LAMA3: variants seen among roughly 807,000 people sequenced by gnomAD.
The protein encoded by LAMA3 is laminin subunit alpha 3, also known as laminin subunit alpha-3.
LAMA3 carries 281 observed loss-of-function variants against 402.0 expected under a neutral mutation model. The observed-to-expected ratio is 0.70, with a 90% confidence interval of 0.63 to 0.77. The LOEUF (loss-of-function observed/expected upper bound fraction) is 0.77, where lower values mean the gene tolerates loss of function less well. Ranked by LOEUF, LAMA3 falls within the 30% of genes least tolerant of loss-of-function variation. The probability of loss-of-function intolerance (pLI) is 0.00; values close to 1 mark genes in which losing one functional copy is unlikely to be tolerated. For synonymous variants in LAMA3, 1,431 were observed against 1,558.4 expected (o/e 0.92, Z 1.93); for missense variants, 3,840 against 4,215.5 (o/e 0.91, Z 2.47).
At chr18:23,766,113 C>T (rs2062070651) in intron 8 of LAMA3, among the ~76,000 whole-genome samples, 1 of 152,034 alleles carries the variant, frequency 6.6e-6, no homozygotes. Flanking sequence ...GCTTAATGAA[C>T]CCTAACCTGG....
At chr18:23,757,973 A>T (rs1162639479) in intron 6 of LAMA3, among the ~76,000 whole-genome samples, 1 of 152,218 alleles carries the variant, frequency 6.6e-6, no homozygotes, top group Non-Finnish European at 1.5e-5. Flanking sequence ...AAGAAACTTG[A>T]GCAGATCTTA....
At chr18:23,742,483 G>C (rs966361374) in intron 2 of LAMA3, among the ~76,000 whole-genome samples, 21 of 152,122 alleles carry the variant, frequency 1.4e-4, no homozygotes, top group Admixed American at 5.2e-4. Context: ...AAATTTCTTA[G>C]ACATGAAAAT....
At chr18:23,872,601 C>G (rs2064560865) in intron 38 of LAMA3, among the ~76,000 whole-genome samples, 1 of 152,140 alleles carries the variant, frequency 6.6e-6, no homozygotes, top group Non-Finnish European at 1.5e-5. Flanking sequence ...CAAATCTGAC[C>G]TGCTGTGGTC....
intron 5 of LAMA3, among the ~76,000 whole-genome samples, chr18:23,751,764 C>T (rs1008465388): frequency 1.3e-5 from 2 of 152,202 alleles, no homozygotes; most frequent in African/African-American, 2.4e-5. Flanking sequence ...CTCTCACTCT[C>T]AGGTGTCAGG....
rs1302366400 is a variant in LAMA3, at chr18:23,861,765, C to G, written c.4542C>G (p.His1514Gln). The change falls in exon 35 of 75, where the codon CAC becomes CAG. Residue 1514 changes from histidine to glutamine, a missense_variant. His to Gln is a conservative substitution (Grantham distance 24). Transcript: ENST00000313654. ...TCCAGGAGCTGCCCGCAACCATCCA[C>G]AGCGCGTCCTGGGTCGCACCCACCT... ...ADLQELPATI[H>Q]SASWVAPTSY... The G allele has an allele frequency of 6.2e-7, 1 of 1,613,892 alleles. No individual in the cohort carries two copies. The highest frequency in any genetic ancestry group is 8.5e-7 in the Non-Finnish European group (1 of 1,179,898).
intron 13 of LAMA3, among the ~76,000 whole-genome samples, chr18:23,812,161 C>T (rs2063086563): frequency 6.6e-6 from 1 of 152,180 alleles, no homozygotes; most frequent in Non-Finnish European, 1.5e-5. Flanking sequence ...GCGTGAGCCA[C>T]CACTCCCAGC....
In LAMA3 at chr18:23,881,815, C is replaced by A. The variant is rs1028373706; in HGVS notation, c.5113-121C>A. ...TAGGGAAAATACATGGTTAGAGGAG[C>A]TGATATCACTGCAAAGTCAGAGGAC... is the stretch of plus-strand genomic sequence containing the variant. On this transcript the variant is annotated intron_variant, in intron 39 of 74. Transcript: ENST00000313654. 8.5e-5 allele frequency: 60 copies of A among 709,270 alleles called. 1 individual carries two copies. The highest frequency in any genetic ancestry group is 8.2e-4 in the South Asian group (55 of 66,976). The allele number at this position is 709,270 out of a possible 1,614,324, so 43.9% of individuals were successfully genotyped here.
rs746362681 is a variant in LAMA3 at position 23,714,061 on chromosome 18, G to A, written c.436G>A (p.Asp146Asn). Reference sequence around the variant, plus strand: ...GTACAACAGAGTCAACCTCACCTTGGATCTGGGGCAGGTGAGCTACACTTT... The same window carrying A: ...GTACAACAGAGTCAACCTCACCTTGAATCTGGGGCAGGTGAGCTACACTTT... ...TQYNRVNLTL[D>N]LGQLFHVAYI... Residue 146 changes from aspartate to asparagine, a missense_variant, in exon 2 of 75, where the codon GAT (aspartate) becomes AAT (asparagine). By Grantham distance (23) the Asp-to-Asn change is conservative (BLOSUM62 1). Coordinates refer to ENST00000313654, the MANE Select transcript of LAMA3 (RefSeq NM_198129.4). 6.2e-7 allele frequency: 1 copy of A among 1,613,884 alleles called. No homozygotes were observed. The highest frequency in any genetic ancestry group is 8.5e-7 in the Non-Finnish European group (1 of 1,179,936).
intron 1 of LAMA3, among the ~76,000 whole-genome samples, chr18:23,703,750 T>A (rs2060833865): frequency 6.6e-6 from 1 of 152,114 alleles, no homozygotes; most frequent in African/African-American, 2.4e-5. Flanking sequence ...ACCAGGCACA[T>A]TAGAGATGTC....
intron 51 of LAMA3, 142 bp downstream of exon 51, chr18:23,904,836 A>G: frequency 2.4e-6 from 2 of 844,060 alleles, no homozygotes; most frequent in Non-Finnish European, 3.7e-6. Flanking sequence ...CTTGCCCTAG[A>G]TATGGGTAAT....
intron 8 of LAMA3, among the ~76,000 whole-genome samples, chr18:23,771,727 A>G (rs1393756049): frequency 3.3e-5 from 5 of 152,228 alleles, no homozygotes; most frequent in African/African-American, 1.2e-4. Context: ...GGATGGATGG[A>G]TAATTATGTG....
At chr18:23,793,980 G>A (rs919262288) in intron 12 of LAMA3, among the ~76,000 whole-genome samples, 8 of 152,166 alleles carry the variant, frequency 5.3e-5, no homozygotes, top group African/African-American at 1.7e-4. Context: ...TACATTTACT[G>A]GTTTATTATA....
intron 39 of LAMA3, 40 bp from the exon 40 acceptor site, chr18:23,881,896 G>T: frequency 7.8e-7 from 1 of 1,278,224 alleles, no homozygotes; most frequent in Non-Finnish European, 1.1e-6. Context: ...AGTAGGGACT[G>T]TACTGGCTGC....
chr18:23,843,332 A>G (rs80079806), intron 29 of LAMA3, among the ~76,000 whole-genome samples: 2,534 of 152,230 alleles, frequency 0.017, 72 homozygotes, highest in African/African-American at 0.059. Context: ...TCCCTTGCTT[A>G]GTCTGCACCC....
intron 2 of LAMA3, among the ~76,000 whole-genome samples, chr18:23,742,383 G>A (rs1344586832): frequency 1.3e-4 from 20 of 152,282 alleles, no homozygotes; most frequent in Admixed American, 9.2e-4. Context: ...TAAATCCCGA[G>A]ATGGGAAAAT....
At chr18:23,847,809 G>A in intron 32 of LAMA3, 141 bp downstream of exon 32, 1 of 829,222 alleles carries the variant, frequency 1.2e-6, no homozygotes, top group Non-Finnish European at 1.9e-6. Context: ...TCCCAGACAG[G>A]ATGGGTTGCA....
Position 23,933,935 on chromosome 18 carries a change from G to A in LAMA3, c.8862G>A (p.Gln2954=), listed in dbSNP as rs781570323. 5 of 1,614,004 alleles carry A rather than the reference G, an allele frequency of 3.1e-6. No individual in the cohort carries two copies. The highest frequency in any genetic ancestry group is 3.4e-6 in the Non-Finnish European group (4 of 1,179,932). ...AGACCAAGACTTTTCGTATCAACCA[G>A]GTAAGTGTCCAAACCTAACCCTGGG... is the stretch of plus-strand genomic sequence containing the variant. ...FNKTKTFRIN[Q]LLQDTPVASP... Residue 2954 remains glutamine (Q), a splice_region_variant and synonymous_variant, in exon 67 of 75, where the codon CAG becomes CAA. Transcript: ENST00000313654.
At chr18:23,816,746 G>A in intron 18 of LAMA3, among the ~76,000 whole-genome samples, 1 of 152,166 alleles carries the variant, frequency 6.6e-6, no homozygotes, top group Non-Finnish European at 1.5e-5. Context: ...CAAAAACCAG[G>A]TGGGCAAGAC....
At chr18:23,938,396 A>G (rs1285355329) in intron 67 of LAMA3, among the ~76,000 whole-genome samples, 1 of 152,192 alleles carries the variant, frequency 6.6e-6, no homozygotes, top group African/African-American at 2.4e-5. Flanking sequence ...GGGGAATCTC[A>G]GTTACTTCCA....
Sources: gnomAD v4.1 joint callset for allele counts (sites outside exome capture counted in the v4.1 genomes callset) on GRCh38, gnomAD v4.1.1 for gene constraint, MANE v1.5 for transcripts, NCBI Gene and HGNC (gene_info 2026-07-23, HGNC 2026-07-21) for gene names.